HS6ST3: variants seen among roughly 807,000 people sequenced by gnomAD.
HS6ST3 encodes heparan sulfate 6-O-sulfotransferase 3.
HS6ST3 carries 12 observed loss-of-function variants against 36.7 expected under a neutral mutation model. That is an observed-to-expected ratio of 0.33 (90% CI 0.21 to 0.53). The LOEUF (loss-of-function observed/expected upper bound fraction) is 0.53. HS6ST3 is among the 20% of genes least tolerant of loss of function. The pLI, the probability that HS6ST3 is intolerant of heterozygous loss-of-function variation, is 0.95. For synonymous variants in HS6ST3, 240 were observed against 257.5 expected (o/e 0.93, Z 0.65); for missense variants, 584 against 640.9 (o/e 0.91, Z 0.96).
chr13:96,307,437 A>G (rs1454999883), intron 1 of HS6ST3, among the ~76,000 whole-genome samples: 1 of 152,152 alleles, frequency 6.6e-6, no homozygotes, highest in Admixed American at 6.6e-5. Flanking sequence ...TTGCAACACT[A>G]TAGGCAGTTT....
At chr13:96,777,642 A>G (rs926342481) in intron 1 of HS6ST3, among the ~76,000 whole-genome samples, 3 of 152,198 alleles carry the variant, frequency 2.0e-5, no homozygotes, top group African/African-American at 4.8e-5. Context: ...CTTCTAGGAA[A>G]ACTACAAACC....
intron 1 of HS6ST3, among the ~76,000 whole-genome samples, chr13:96,521,638 T>C (rs2056093980): frequency 6.6e-6 from 1 of 152,228 alleles, no homozygotes; most frequent in Admixed American, 6.5e-5. Flanking sequence ...CTTATTTGCA[T>C]AGAGGTGTTT....
chr13:96,578,700 C>G (rs2056330622), intron 1 of HS6ST3, among the ~76,000 whole-genome samples: 1 of 152,152 alleles, frequency 6.6e-6, no homozygotes. Flanking sequence ...GCTGGGATTA[C>G]AGGCACACAC....
intron 1 of HS6ST3, among the ~76,000 whole-genome samples, chr13:96,438,400 C>T (rs2055653518): frequency 6.6e-6 from 1 of 152,134 alleles, no homozygotes; most frequent in Non-Finnish European, 1.5e-5. Context: ...AGATAAGGTC[C>T]AGAAGGGTGC....
At chr13:96,179,441 A>T (rs1016692926) in intron 1 of HS6ST3, among the ~76,000 whole-genome samples, 5 of 152,168 alleles carry the variant, frequency 3.3e-5, no homozygotes, top group Non-Finnish European at 7.4e-5. Flanking sequence ...CCTTGAGCTC[A>T]TCACCTTGGA....
intron 1 of HS6ST3, among the ~76,000 whole-genome samples, chr13:96,818,187 G>A (rs1051613182): frequency 3.3e-5 from 5 of 152,170 alleles, no homozygotes; most frequent in Non-Finnish European, 7.4e-5. Flanking sequence ...TAAACAGAAC[G>A]AATTGATTTT....
intron 1 of HS6ST3, among the ~76,000 whole-genome samples, chr13:96,746,020 C>A (rs1323221911): frequency 6.6e-6 from 1 of 151,762 alleles, no homozygotes; most frequent in Non-Finnish European, 1.5e-5. Flanking sequence ...AAAAGGATAC[C>A]CCAGAAATAT....
intron 1 of HS6ST3, among the ~76,000 whole-genome samples, chr13:96,312,951 CAAA>C (rs754098470): frequency 0.019 from 1,548 of 81,394 alleles, 20 homozygotes; most frequent in African/African-American, 0.068. Context: ...GACCCTGTCT[CAAA>C]AAAAAAAAAA....
rs74393038 is a variant in HS6ST3 at position 96,659,965 on chromosome 13, C to T, written c.708-172525C>T. Among the ~76,000 whole-genome samples, 382 of 152,156 alleles carry T rather than the reference C, an allele frequency of 2.5e-3. 1 individual carries two copies. The highest frequency in any genetic ancestry group is 8.9e-3 in the African/African-American group (368 of 41,528). On this transcript the variant is annotated intron_variant, in intron 1 of 1. Transcript: ENST00000376705. ...ACAATAAACATTCAACATAATGCCA[C>T]TTTTAATTGATAGATGGGATTTGAT...
intron 1 of HS6ST3, among the ~76,000 whole-genome samples, chr13:96,763,047 G>A (rs765017722): frequency 4.6e-5 from 7 of 152,108 alleles, no homozygotes; most frequent in Non-Finnish European, 1.0e-4. Context: ...TGAGAAACAT[G>A]ATTCACATAT....
chr13:96,181,267 T>C (rs2054238648), intron 1 of HS6ST3, among the ~76,000 whole-genome samples: 1 of 152,186 alleles, frequency 6.6e-6, no homozygotes, highest in Non-Finnish European at 1.5e-5. Flanking sequence ...CCCCAAACTT[T>C]CAACTGTGAG....
At chr13:96,243,486 A>G (rs1182462315) in intron 1 of HS6ST3, among the ~76,000 whole-genome samples, 1 of 152,184 alleles carries the variant, frequency 6.6e-6, no homozygotes, top group Admixed American at 6.5e-5. Context: ...CACCTTGATA[A>G]TGCTAGTCTG....
chr13:96,292,440 T>C (rs1461254548), intron 1 of HS6ST3, among the ~76,000 whole-genome samples: 1 of 152,108 alleles, frequency 6.6e-6, no homozygotes, highest in Non-Finnish European at 1.5e-5. Context: ...AAATGTTTGT[T>C]ATTAAAAACA....
intron 1 of HS6ST3, among the ~76,000 whole-genome samples, chr13:96,293,147 A>G (rs1360196896): frequency 6.6e-6 from 1 of 152,172 alleles, no homozygotes; most frequent in Non-Finnish European, 1.5e-5. Flanking sequence ...AAATTATTAA[A>G]CAATAGGGTT....
At chr13:96,642,763 TA>T (rs1266870040) in intron 1 of HS6ST3, among the ~76,000 whole-genome samples, 1 of 151,996 alleles carries the variant, frequency 6.6e-6, no homozygotes, top group African/African-American at 2.4e-5. Context: ...CCTATCTTTT[TA>T]TTGATATTCT....
intron 1 of HS6ST3, among the ~76,000 whole-genome samples, chr13:96,164,469 A>G (rs1186750882): frequency 1.3e-5 from 2 of 151,464 alleles, no homozygotes; most frequent in Admixed American, 6.6e-5. Flanking sequence ...ACGCAGGAGT[A>G]TTGCTTGAGC....
At chr13:96,109,870 C>T (rs779813453) in intron 1 of HS6ST3, among the ~76,000 whole-genome samples, 9 of 152,108 alleles carry the variant, frequency 5.9e-5, no homozygotes, top group Non-Finnish European at 1.2e-4. Context: ...TTGGAAGTGC[C>T]GGGTACTGGG....
chr13:96,381,946 G>C (rs980583791), intron 1 of HS6ST3, among the ~76,000 whole-genome samples: 3 of 152,114 alleles, frequency 2.0e-5, no homozygotes, highest in Non-Finnish European at 2.9e-5. Context: ...GTCACACAGG[G>C]GCTGCATTAA....
intron 1 of HS6ST3, among the ~76,000 whole-genome samples, chr13:96,147,452 A>G (rs1400824353): frequency 2.0e-5 from 3 of 152,218 alleles, no homozygotes; most frequent in East Asian, 1.9e-4. Context: ...GTTTTGTTCA[A>G]TGTTGCTTCA....
Sources: gnomAD v4.1 joint callset for allele counts (sites outside exome capture counted in the v4.1 genomes callset) on GRCh38, gnomAD v4.1.1 for gene constraint, MANE v1.5 for transcripts, NCBI Gene and HGNC (gene_info 2026-07-23, HGNC 2026-07-21) for gene names.